NTM: variants seen among roughly 807,000 people sequenced by gnomAD.
The protein encoded by NTM is neurotrimin.
NTM carries 13 observed loss-of-function variants against 42.1 expected under a neutral mutation model. That is an observed-to-expected ratio of 0.31 (90% CI 0.20 to 0.49). The LOEUF is 0.49. Ranked by LOEUF, NTM falls within the 20% of genes least tolerant of loss-of-function variation. The probability of loss-of-function intolerance (pLI) is 0.99; values close to 1 mark genes in which losing one functional copy is unlikely to be tolerated. For missense variants in NTM, 373 were observed against 452.8 expected (o/e 0.82, Z 1.60); for synonymous variants, 187 against 179.2 (o/e 1.04, Z -0.35).
intron 4 of NTM, among the ~76,000 whole-genome samples, chr11:132,237,586 C>G (rs1299959928): frequency 6.6e-6 from 1 of 152,218 alleles, no homozygotes. Flanking sequence ...CAAAGCCGCA[C>G]TCAGTCTCAG....
At chr11:132,161,660 G>C (rs1350704763) in intron 3 of NTM, among the ~76,000 whole-genome samples, 1 of 151,300 alleles carries the variant, frequency 6.6e-6, no homozygotes, top group Non-Finnish European at 1.5e-5. Flanking sequence ...TTCCCCTGGC[G>C]CCCCCTTGCC....
At chr11:132,316,865 A>G (rs1259552665) in intron 7 of NTM, among the ~76,000 whole-genome samples, 1 of 152,232 alleles carries the variant, frequency 6.6e-6, no homozygotes, top group East Asian at 1.9e-4. Flanking sequence ...TTTGTTTGTT[A>G]GGGAATTTTC....
intron 1 of NTM, among the ~76,000 whole-genome samples, chr11:131,715,044 C>T (rs1253871587): frequency 6.6e-6 from 1 of 152,144 alleles, no homozygotes; most frequent in Non-Finnish European, 1.5e-5. Context: ...GTGCTTGGTG[C>T]TCCAGGAATA....
chr11:131,671,019 C>T (rs1565402272), intron 1 of NTM, among the ~76,000 whole-genome samples: 1 of 152,168 alleles, frequency 6.6e-6, no homozygotes, highest in South Asian at 2.1e-4. Context: ...CTTCCTCCTG[C>T]TCTGTCCTTT....
chr11:132,240,623 C>A (rs925768154), intron 4 of NTM, among the ~76,000 whole-genome samples: 1 of 152,174 alleles, frequency 6.6e-6, no homozygotes, highest in Non-Finnish European at 1.5e-5. Context: ...TACGCATTTG[C>A]CAGAAAAATG....
At chr11:131,534,970 CT>C (rs1001100961) in intron 1 of NTM, 1 of 152,218 alleles carries the variant, frequency 6.6e-6, no homozygotes, top group African/African-American at 2.4e-5. Context: ...GGAAAAAATC[CT>C]TTTCTTGCAG....
chr11:131,522,356 GA>G (rs1565596371), intron 1 of NTM, among the ~76,000 whole-genome samples: 13,912 of 126,722 alleles, frequency 0.11, 739 homozygotes, highest in Middle Eastern at 0.22. Flanking sequence ...AGAACAACAA[GA>G]AAAAAAAAAA....
At chr11:131,978,857 G>A (rs1290991786) in intron 2 of NTM, among the ~76,000 whole-genome samples, 1 of 152,116 alleles carries the variant, frequency 6.6e-6, no homozygotes, top group Non-Finnish European at 1.5e-5. Flanking sequence ...TTTTTCACCT[G>A]CATACTTGAA....
chr11:131,819,798 C>A (rs1182441422), intron 1 of NTM, among the ~76,000 whole-genome samples: 1 of 152,098 alleles, frequency 6.6e-6, no homozygotes, highest in East Asian at 1.9e-4. Context: ...CTTTATTTAC[C>A]TTTAATTAGA....
intron 2 of NTM, among the ~76,000 whole-genome samples, chr11:131,926,371 C>T (rs920515662): frequency 2.6e-5 from 4 of 152,192 alleles, no homozygotes; most frequent in Admixed American, 1.3e-4. Context: ...AGGAAGTAAA[C>T]TGTAGGTTAG....
intron 2 of NTM, among the ~76,000 whole-genome samples, chr11:131,980,711 T>G (rs900890367): frequency 6.6e-6 from 1 of 152,202 alleles, no homozygotes; most frequent in South Asian, 2.1e-4. Flanking sequence ...GGTGTACTGA[T>G]AGAAAAAGCT....
chr11:132,204,937 AG>A (rs2081733973), intron 3 of NTM, among the ~76,000 whole-genome samples: 1 of 152,186 alleles, frequency 6.6e-6, no homozygotes, highest in African/African-American at 2.4e-5. Context: ...CATCTTTCCA[AG>A]CTTTCCAATC....
intron 2 of NTM, among the ~76,000 whole-genome samples, chr11:131,940,615 C>T (rs142973084): frequency 7.3e-4 from 111 of 152,284 alleles, no homozygotes; most frequent in Middle Eastern, 3.4e-3. Flanking sequence ...TGTCCCAAAG[C>T]GTTCAGTAAT....
At chr11:131,970,527 G>A (rs1266401779) in intron 2 of NTM, among the ~76,000 whole-genome samples, 2 of 152,152 alleles carry the variant, frequency 1.3e-5, no homozygotes, top group Non-Finnish European at 1.5e-5. Context: ...TCCTTCCTAG[G>A]ACCTGCAGAC....
intron 1 of NTM, among the ~76,000 whole-genome samples, chr11:131,520,768 TC>T (rs2049532771): frequency 6.6e-6 from 1 of 151,166 alleles, no homozygotes; most frequent in African/African-American, 2.4e-5. Context: ...AAAAAAAATC[TC>T]CAAAACCTAC....
intron 4 of NTM, among the ~76,000 whole-genome samples, chr11:132,217,604 C>T (rs1176964183): frequency 6.6e-6 from 1 of 152,028 alleles, no homozygotes; most frequent in Non-Finnish European, 1.5e-5. Flanking sequence ...GTTCTGCAAG[C>T]CTTTCTCTTT....
At chr11:132,177,399 A>G (rs533880321) in intron 3 of NTM, among the ~76,000 whole-genome samples, 3 of 152,310 alleles carry the variant, frequency 2.0e-5, no homozygotes, top group Non-Finnish European at 4.4e-5. Context: ...GTATGATCCA[A>G]TAGCTTTAAC....
intron 1 of NTM, among the ~76,000 whole-genome samples, chr11:131,377,821 T>C (rs1942168784): frequency 6.6e-6 from 1 of 152,318 alleles, no homozygotes; most frequent in Middle Eastern, 3.4e-3. Context: ...TTGGGAGGGC[T>C]GCTGCTATCT....
chr11:132,268,408 A>G (rs1419305798), intron 4 of NTM, among the ~76,000 whole-genome samples: 1 of 152,226 alleles, frequency 6.6e-6, no homozygotes, highest in African/African-American at 2.4e-5. Context: ...GACTCCATGA[A>G]TAGTTCAGTC....
Sources: allele counts gnomAD v4.1 joint callset (sites outside exome capture counted in the v4.1 genomes callset), GRCh38; gene constraint gnomAD v4.1.1; transcripts MANE v1.5; gene names NCBI Gene and HGNC (gene_info 2026-07-23, HGNC 2026-07-21).